Variants in ZNF846 observed in about 807,000 individuals in gnomAD.
The protein encoded by ZNF846 is zinc finger protein 420 pseudogene.
ZNF846 carries 15 observed loss-of-function variants against 16.0 expected under a neutral mutation model. The observed-to-expected ratio is 0.94, with a 90% CI of 0.63 to 1.45. ZNF846 has a LOEUF of 1.45. Among genes scored for constraint, ZNF846 ranks in the 40% most tolerant of loss-of-function variants. ZNF846 has a pLI of 0.00. For synonymous variants in ZNF846, 229 were observed against 212.0 expected (o/e 1.08, Z -0.70); for missense variants, 714 against 622.3 (o/e 1.15, Z -1.57).
chr19:9,759,699 T>C (rs2045191256), intron 5 of ZNF846, among the ~76,000 whole-genome samples, 161 bp downstream of exon 5: 1 of 151,702 alleles, frequency 6.6e-6, no homozygotes. Flanking sequence ...TGAGAAGAAA[T>C]ATGTTTGTAG....
chr19:9,770,668 G>A (rs943459745), upstream of ZNF846, among the ~76,000 whole-genome samples: 1 of 151,988 alleles, frequency 6.6e-6, no homozygotes, highest in African/African-American at 2.4e-5. Flanking sequence ...AGGAGTTTAA[G>A]ACCAGCCTGG....
downstream of ZNF846, among the ~76,000 whole-genome samples, chr19:9,754,166 T>G (rs570886737): frequency 3.6e-4 from 55 of 151,760 alleles, no homozygotes; most frequent in Admixed American, 1.4e-3. Context: ...TCAAGTTTAC[T>G]TTGTCTGATA....
intron 1 of ZNF846, among the ~76,000 whole-genome samples, chr19:9,767,655 G>A (rs1231680060): frequency 2.7e-5 from 4 of 150,054 alleles, no homozygotes; most frequent in Non-Finnish European, 4.5e-5. Flanking sequence ...TGAGGGGGAA[G>A]GCCAGGCGCG....
intron 1 of ZNF846, among the ~76,000 whole-genome samples, chr19:9,782,478 G>A (rs1231451281): frequency 6.6e-6 from 1 of 152,036 alleles, no homozygotes; most frequent in East Asian, 1.9e-4. Context: ...GCCCAGGCTT[G>A]TCTCCAACTC....
At chr19:9,749,546 CT>C (rs60331343), downstream of ZNF846, among the ~76,000 whole-genome samples, 14,902 of 125,620 alleles carry the variant, frequency 0.12, 1,118 homozygotes, top group African/African-American at 0.3. Flanking sequence ...ATAAGTCTTT[CT>C]TTTTTTTTTT....
chr19:9,777,394 C>G (rs543827673), intron 1 of ZNF846, among the ~76,000 whole-genome samples: 1 of 151,762 alleles, frequency 6.6e-6, no homozygotes, highest in Non-Finnish European at 1.5e-5. Flanking sequence ...AGTTTGGAGC[C>G]GGGTGCGGTG....
chr19:9,751,455 A>T (rs1195484756), downstream of ZNF846, among the ~76,000 whole-genome samples: 2 of 152,194 alleles, frequency 1.3e-5, no homozygotes, highest in African/African-American at 4.8e-5. Flanking sequence ...ACCATGGTCA[A>T]ACCATTGTGA....
rs2045265686 is a variant in ZNF846, at chr19:9,763,548, G to A, written c.16-140C>T. The A allele has an allele frequency of 3.6e-5, 23 of 636,188 alleles. No individual in the cohort carries two copies. In the South Asian group the frequency reaches 4.4e-4, roughly 12 times the overall value. 39.4% of individuals were successfully genotyped at this position (636,188 alleles called of 1,614,324 possible). ...GCCTCTTCTCCTCTATATAGATATT[G>A]TCTTGCAATGGCATCCAATCCCATG... On this transcript the variant is annotated intron_variant, in intron 2 of 5. Coordinates refer to ENST00000397902, the Ensembl canonical transcript of ZNF846.
chr19:9,781,895 A>G (rs929832818), intron 1 of ZNF846, among the ~76,000 whole-genome samples: 1 of 151,020 alleles, frequency 6.6e-6, no homozygotes, highest in African/African-American at 2.4e-5. Context: ...CTCCTGTCTC[A>G]GCCTCCCAAG....
rs749414792 is a variant in ZNF846, at chr19:9,757,720, T to TA, written c.1356dup (p.Lys453Ter). Reference sequence around the variant, plus strand: ...CGAGCAAATGCTTTACCGCATTCCTTACATTCACAGGCCTTTTCTCCAGTG... The same window carrying TA: ...CGAGCAAATGCTTTACCGCATTCCTTAACATTCACAGGCCTTTTCTCCAGTG... On this transcript the variant is annotated frameshift_variant, in exon 6 of 6. Coordinates refer to ENST00000397902, the Ensembl canonical transcript of ZNF846. LOFTEE classifies it low-confidence loss of function (END_TRUNC). The TA allele has an allele frequency of 7.4e-6, 12 of 1,613,324 alleles. No individual in the cohort carries two copies. The highest frequency in any genetic ancestry group is 1.3e-5 in the African/African-American group (1 of 74,474).
chr19:9,776,277 C>T (rs1372960286), intron 1 of ZNF846, among the ~76,000 whole-genome samples: 1 of 152,226 alleles, frequency 6.6e-6, no homozygotes, highest in Non-Finnish European at 1.5e-5. Context: ...GGCTTGCCCA[C>T]TGTTATCTGG....
chr19:9,767,157 C>T (rs111551352), intron 1 of ZNF846, among the ~76,000 whole-genome samples: 18,199 of 151,300 alleles, frequency 0.12, 1,346 homozygotes, highest in Admixed American at 0.23. Flanking sequence ...TTTATTTAGA[C>T]GGTGTTTTGC....
At chr19:9,767,483 CA>C (rs1165845767) in intron 1 of ZNF846, among the ~76,000 whole-genome samples, 1 of 152,016 alleles carries the variant, frequency 6.6e-6, no homozygotes, top group Non-Finnish European at 1.5e-5. Flanking sequence ...AGAAAACATG[CA>C]AAATATTAAC....
chr19:9,750,669 C>A (rs915162301), downstream of ZNF846, among the ~76,000 whole-genome samples: 1 of 152,196 alleles, frequency 6.6e-6, no homozygotes, highest in Non-Finnish European at 1.5e-5. Context: ...AGAGTCATCC[C>A]ATTAATCCCT....
chr19:9,764,395 A>G (rs1292904065), intron 2 of ZNF846, among the ~76,000 whole-genome samples: 1 of 152,196 alleles, frequency 6.6e-6, no homozygotes, highest in Non-Finnish European at 1.5e-5. Flanking sequence ...GAAATTACTG[A>G]CACACACACT....
At chr19:9,758,197 A>G (rs750631465) in exon 6 of ZNF846, 2 of 1,613,162 alleles carry the variant, frequency 1.2e-6, no homozygotes, top group South Asian at 2.2e-5. Flanking sequence ...AGGTATGAAG[A>G]ATGGGTGAAG....
At position 9,761,993 on chromosome 19, in the gene ZNF846, G is replaced by C. The variant is rs115252839; in HGVS notation, c.229+89C>G. ...TCTCAGGAAGAAGAGTATACCCTGA[G>C]AAGTTCGCAAAGTAACATTTCCAAT... is the stretch of plus-strand genomic sequence containing the variant. On this transcript the variant is annotated intron_variant, in intron 4 of 5. Transcript: ENST00000397902. 2.9e-3 allele frequency: 3,270 copies of C among 1,111,674 alleles called. 67 individuals carry two copies. The African/African-American group carries it at 0.041, about 14-fold the overall frequency. The allele number at this position is 1,111,674 out of a possible 1,614,324, so 68.9% of individuals were successfully genotyped here.
At chr19:9,769,327 C>T (rs998387734), upstream of ZNF846, among the ~76,000 whole-genome samples, 1 of 152,116 alleles carries the variant, frequency 6.6e-6, no homozygotes, top group Non-Finnish European at 1.5e-5. Flanking sequence ...AAGGATCCTC[C>T]CCCCTCGGCC....
downstream of ZNF846, chr19:9,756,343 G>GTGTA (rs1285713863): frequency 1.4e-5 from 1 of 71,182 alleles, no homozygotes; most frequent in African/African-American, 7.6e-5. Context: ...GTGTGTGTGT[G>GTGTA]TGTATATATA....
Sources: allele counts gnomAD v4.1 joint callset (sites outside exome capture counted in the v4.1 genomes callset), GRCh38; gene constraint gnomAD v4.1.1; transcripts MANE v1.5; gene names NCBI Gene and HGNC (gene_info 2026-07-23, HGNC 2026-07-21).